The following GRM7 variants were observed in gnomAD, a reference collection of about 807,000 sequenced individuals.
The protein encoded by GRM7 is glutamate metabotropic receptor 7.
A neutral mutation model predicts 84.5 loss-of-function variants in GRM7; 35 were observed. The ratio of observed to expected loss-of-function variants is 0.41; its 90% CI spans 0.32 to 0.55. The LOEUF is 0.55. GRM7 is among the 20% of genes least tolerant of loss of function. The pLI is 0.19. For missense variants in GRM7, 1,003 were observed against 1,194.6 expected (o/e 0.84, Z 2.36); for synonymous variants, 487 against 455.1 (o/e 1.07, Z -0.89).
At position 7,066,713 on chromosome 3, in the gene GRM7, A is replaced by C. The variant is rs1450392298; in HGVS notation, c.520-79739A>C. Among the ~76,000 whole-genome samples, 3 of 152,080 alleles carry C rather than the reference A, an allele frequency of 2.0e-5. No homozygotes were observed. In the East Asian group the frequency reaches 5.8e-4, roughly 30 times the overall value. On this transcript the variant is annotated intron_variant, in intron 1 of 9. Transcript: ENST00000357716. ...CTAATACCAAAAACCAGGAAAGGAC[A>C]CAACCAAAAAAGAAAACTACAGACT...
intron 4 of GRM7, among the ~76,000 whole-genome samples, chr3:7,389,324 G>A (rs1057337326): frequency 3.9e-5 from 6 of 152,098 alleles, no homozygotes; most frequent in African/African-American, 1.4e-4. Context: ...TATGTTTTAT[G>A]TGCAGATGAG....
At chr3:7,411,289 G>A (rs1042794959) in intron 4 of GRM7, among the ~76,000 whole-genome samples, 8 of 152,090 alleles carry the variant, frequency 5.3e-5, no homozygotes, top group Admixed American at 3.9e-4. Context: ...CATTTTTTAA[G>A]AGCCAAATTT....
chr3:7,709,130 T>C (rs1038899000), intron 9 of GRM7, among the ~76,000 whole-genome samples: 2 of 152,152 alleles, frequency 1.3e-5, no homozygotes, highest in Non-Finnish European at 2.9e-5. Flanking sequence ...TGAACCCATC[T>C]TCAGCAAGCG....
chr3:7,680,382 T>TA (rs1188905841), intron 9 of GRM7, 87 bp downstream of exon 9: 3 of 1,386,414 alleles, frequency 2.2e-6, no homozygotes, highest in Non-Finnish European at 3.0e-6. Context: ...TCTGGAGAAA[T>TA]ACTGTGATCG....
chr3:6,920,514 CCACTG>C (rs904346437), intron 1 of GRM7, among the ~76,000 whole-genome samples: 2 of 151,526 alleles, frequency 1.3e-5, no homozygotes, highest in African/African-American at 4.9e-5. Flanking sequence ...AGAGATTGTG[CCACTG>C]CACTGCAGCC....
intron 4 of GRM7, among the ~76,000 whole-genome samples, chr3:7,306,966 T>C (rs1460200661): frequency 6.6e-6 from 1 of 152,192 alleles, no homozygotes; most frequent in Admixed American, 6.5e-5. Flanking sequence ...CATCCAAGTG[T>C]GTATAAGTGA....
intron 1 of GRM7, among the ~76,000 whole-genome samples, chr3:7,002,745 C>A (rs1385822130): frequency 6.6e-6 from 1 of 152,040 alleles, no homozygotes; most frequent in Non-Finnish European, 1.5e-5. Context: ...GGGTGTATAT[C>A]CAGAGGAATT....
At chr3:7,372,073 A>G (rs1334400128) in intron 4 of GRM7, among the ~76,000 whole-genome samples, 1 of 152,104 alleles carries the variant, frequency 6.6e-6, no homozygotes, top group Non-Finnish European at 1.5e-5. Flanking sequence ...GTACCTACAG[A>G]TGAGGGCCTC....
chr3:7,424,675 GAATGACA>G, intron 5 of GRM7, among the ~76,000 whole-genome samples: 1 of 152,158 alleles, frequency 6.6e-6, no homozygotes, highest in East Asian at 1.9e-4. Context: ...CTCAACAAGT[GAATGACA>G]AGTGAGCTGC....
At chr3:7,371,944 G>A (rs944679414) in intron 4 of GRM7, among the ~76,000 whole-genome samples, 1 of 152,170 alleles carries the variant, frequency 6.6e-6, no homozygotes, top group Non-Finnish European at 1.5e-5. Context: ...TACAGTTGGA[G>A]ATAATCTTAA....
At chr3:6,878,835 T>G (rs456116) in intron 1 of GRM7, among the ~76,000 whole-genome samples, 1 of 152,004 alleles carries the variant, frequency 6.6e-6, no homozygotes, top group Non-Finnish European at 1.5e-5. Flanking sequence ...TGAAAGTTTG[T>G]TAAAACACAC....
chr3:7,537,601 C>G (rs925091586), intron 7 of GRM7, among the ~76,000 whole-genome samples: 1 of 152,036 alleles, frequency 6.6e-6, no homozygotes, highest in Non-Finnish European at 1.5e-5. Context: ...TTGTGTTTAC[C>G]AAAACAATTG....
At chr3:7,130,452 A>G (rs57264707) in intron 1 of GRM7, among the ~76,000 whole-genome samples, 4,678 of 151,782 alleles carry the variant, frequency 0.031, 242 homozygotes, top group African/African-American at 0.11. Context: ...CTGAGGCAGG[A>G]GAGTCATGTA....
intron 1 of GRM7, among the ~76,000 whole-genome samples, chr3:6,939,447 A>G (rs687338): frequency 0.25 from 38,328 of 151,680 alleles, 5,007 homozygotes; most frequent in East Asian, 0.34. Context: ...AAAAAAAAAA[A>G]CAGTTATTCA....
At chr3:6,984,218 T>G in intron 1 of GRM7, among the ~76,000 whole-genome samples, 1 of 152,330 alleles carries the variant, frequency 6.6e-6, no homozygotes, top group Non-Finnish European at 1.5e-5. Context: ...AACTTGTTAT[T>G]AAGAAGATGA....
At chr3:7,263,661 G>A (rs893257655) in intron 2 of GRM7, among the ~76,000 whole-genome samples, 1 of 152,178 alleles carries the variant, frequency 6.6e-6, no homozygotes, top group African/African-American at 2.4e-5. Flanking sequence ...CATGTGGGTG[G>A]TAGTGGCTAC....
At chr3:7,419,901 C>T (rs1696326308) in intron 5 of GRM7, among the ~76,000 whole-genome samples, 1 of 152,158 alleles carries the variant, frequency 6.6e-6, no homozygotes, top group Non-Finnish European at 1.5e-5. Context: ...TTTCAAGTCA[C>T]ACAATAAGCA....
At chr3:7,161,864 G>A (rs1694635389) in intron 2 of GRM7, among the ~76,000 whole-genome samples, 2 of 152,144 alleles carry the variant, frequency 1.3e-5, no homozygotes, top group African/African-American at 2.4e-5. Context: ...CAATAAAAAC[G>A]ATGTCCTTTT....
intron 2 of GRM7, among the ~76,000 whole-genome samples, chr3:7,226,547 C>T (rs984493514): frequency 6.6e-6 from 1 of 152,164 alleles, no homozygotes; most frequent in African/African-American, 2.4e-5. Flanking sequence ...ATAGGAGTGA[C>T]ATCACATTAA....
Sources: allele counts gnomAD v4.1 joint callset (sites outside exome capture counted in the v4.1 genomes callset), GRCh38; gene constraint gnomAD v4.1.1; transcripts MANE v1.5; gene names NCBI Gene and HGNC (gene_info 2026-07-23, HGNC 2026-07-21).